AGMO: variants seen among roughly 807,000 people sequenced by gnomAD.
The protein encoded by AGMO is alkylglycerol monooxygenase, also known as glyceryl-ether monooxygenase.
Under a neutral mutation model 60.2 loss-of-function variants are expected in AGMO, and 75 were observed. That is an observed-to-expected ratio of 1.25 (90% CI 1.03 to 1.51). The LOEUF is 1.51. Among genes scored for constraint, AGMO ranks in the 40% most tolerant of loss-of-function variants. The pLI is 0.00. For missense variants in AGMO, 763 were observed against 525.5 expected (o/e 1.45, Z -4.42); for synonymous variants, 261 against 177.1 (o/e 1.47, Z -3.76).
intron 4 of AGMO, among the ~76,000 whole-genome samples, chr7:15,427,335 C>G (rs1379032524): frequency 2.6e-5 from 4 of 152,096 alleles, no homozygotes; most frequent in Non-Finnish European, 5.9e-5. Context: ...AATAATAACT[C>G]AAAGTGTCGT....
chr7:15,474,934 T>C (rs1287045103), intron 3 of AGMO, among the ~76,000 whole-genome samples: 1 of 151,726 alleles, frequency 6.6e-6, no homozygotes. Context: ...CCGACAAACA[T>C]GAAAAAAAGC....
intron 3 of AGMO, among the ~76,000 whole-genome samples, chr7:15,479,504 G>A (rs1054453823): frequency 6.6e-6 from 1 of 152,076 alleles, no homozygotes; most frequent in Non-Finnish European, 1.5e-5. Context: ...CATAATCACA[G>A]TTTTAGATTA....
downstream of AGMO, among the ~76,000 whole-genome samples, chr7:15,198,196 C>CGAGAGAGAGAGAGAGAGAGAGAGAGA: frequency 1.3e-5 from 1 of 77,400 alleles, no homozygotes; most frequent in South Asian, 5.1e-4. Context: ...AGGGCTTTCC[C>CGAGAGAGAGAGAGAGAGAGAGAGAGA]GAGAGAGAGA....
At chr7:15,538,912 G>T (rs1442073329) in intron 3 of AGMO, among the ~76,000 whole-genome samples, 1 of 152,076 alleles carries the variant, frequency 6.6e-6, no homozygotes, top group Non-Finnish European at 1.5e-5. Flanking sequence ...CATACAGAAT[G>T]AGAGGAATTT....
At chr7:15,211,698 T>C (rs1310630291) in intron 12 of AGMO, among the ~76,000 whole-genome samples, 19 of 152,014 alleles carry the variant, frequency 1.2e-4, no homozygotes. Flanking sequence ...CAAACTACTG[T>C]TTTGTTCTTT....
chr7:15,435,058 T>C (rs1459556965), intron 3 of AGMO, among the ~76,000 whole-genome samples: 1 of 152,126 alleles, frequency 6.6e-6, no homozygotes, highest in African/African-American at 2.4e-5. Flanking sequence ...TTCCTTTTTA[T>C]CATTAGTATT....
chr7:15,383,884 T>C (rs892009884), intron 10 of AGMO, among the ~76,000 whole-genome samples: 1 of 152,176 alleles, frequency 6.6e-6, no homozygotes, highest in African/African-American at 2.4e-5. Flanking sequence ...TTTAATCTGT[T>C]TATGTATTGA....
chr7:15,407,621 T>C (rs959508661), intron 5 of AGMO, among the ~76,000 whole-genome samples: 1 of 151,844 alleles, frequency 6.6e-6, no homozygotes, highest in African/African-American at 2.4e-5. Flanking sequence ...TTGAAACCCA[T>C]AAGCATCTTC....
intron 3 of AGMO, among the ~76,000 whole-genome samples, chr7:15,501,840 A>G (rs1311619014): frequency 6.6e-6 from 1 of 152,042 alleles, no homozygotes; most frequent in African/African-American, 2.4e-5. Context: ...TCCCAGGGAA[A>G]TAAATCAAAA....
intron 3 of AGMO, among the ~76,000 whole-genome samples, chr7:15,460,586 A>T (rs1782118741): frequency 6.6e-6 from 1 of 152,112 alleles, no homozygotes; most frequent in African/African-American, 2.4e-5. Flanking sequence ...TGTGTCAAAA[A>T]TTTTAATTTT....
In AGMO at chr7:15,272,135, T is replaced by C. The variant is rs563652206; in HGVS notation, c.1264-70776A>G. Among the ~76,000 whole-genome samples the C allele has an allele frequency of 2.6e-5, 4 of 151,272 alleles. No homozygotes were observed. In the East Asian group the frequency reaches 7.7e-4, roughly 29 times the overall value. ...TTTATCAGGGATATTGGCCCTTTTT[T>C]TCTTTTTTTTATTATACTTTAAGTT... On this transcript the variant is annotated intron_variant, in intron 12 of 12. Coordinates refer to ENST00000342526, the MANE Select transcript of AGMO (RefSeq NM_001004320.2).
At chr7:15,427,714 A>G (rs1433148523) in intron 4 of AGMO, among the ~76,000 whole-genome samples, 1 of 50,086 alleles carries the variant, frequency 2.0e-5, no homozygotes, top group Admixed American at 1.7e-4. Flanking sequence ...CAAATTGGAT[A>G]GAGTATTATT....
chr7:15,453,770 G>A (rs1278611009), intron 3 of AGMO, among the ~76,000 whole-genome samples: 2 of 152,038 alleles, frequency 1.3e-5, no homozygotes, highest in African/African-American at 4.8e-5. Flanking sequence ...CAGGTGAAGG[G>A]TCTGCCAACA....
intron 12 of AGMO, among the ~76,000 whole-genome samples, chr7:15,297,556 T>G (rs1246573351): frequency 2.0e-5 from 3 of 152,174 alleles, no homozygotes; most frequent in South Asian, 2.1e-4. Flanking sequence ...ACAGAAAAGT[T>G]AGTGTTGCAT....
intron 5 of AGMO, among the ~76,000 whole-genome samples, chr7:15,411,865 G>A (rs1383881648): frequency 6.6e-6 from 1 of 151,904 alleles, no homozygotes; most frequent in Non-Finnish European, 1.5e-5. Context: ...CTAAAAAAAA[G>A]TATCTTTACA....
At chr7:15,443,661 C>T (rs1459027371) in intron 3 of AGMO, among the ~76,000 whole-genome samples, 2 of 152,142 alleles carry the variant, frequency 1.3e-5, no homozygotes, top group African/African-American at 4.8e-5. Context: ...CTAGTGCAGG[C>T]ATCAGCAAAC....
In AGMO at chr7:15,307,029, A is replaced by G. The variant is rs182894780; in HGVS notation, c.1263+58485T>C. ...CTACACTTAAAATTATTCAAAAACG[A>G]AATAATTATAAAGTGATTCCAAAAA... On this transcript the variant is annotated intron_variant, in intron 12 of 12. Transcript: ENST00000342526. Among the ~76,000 whole-genome samples, 7 of 152,216 alleles carry G rather than the reference A, an allele frequency of 4.6e-5. No individual in the cohort carries two copies. In the East Asian group the frequency reaches 7.7e-4, roughly 17 times the overall value.
At chr7:15,330,666 T>A (rs573607903) in intron 12 of AGMO, among the ~76,000 whole-genome samples, 3 of 152,168 alleles carry the variant, frequency 2.0e-5, no homozygotes, top group Non-Finnish European at 4.4e-5. Flanking sequence ...AAATACATTC[T>A]TACATACTTT....
chr7:15,486,111 C>A (rs1782914438), intron 3 of AGMO, among the ~76,000 whole-genome samples: 1 of 152,146 alleles, frequency 6.6e-6, no homozygotes, highest in South Asian at 2.1e-4. Context: ...ATTGCTATAA[C>A]ATTTGGAGAT....
Sources: allele counts gnomAD v4.1 joint callset (sites outside exome capture counted in the v4.1 genomes callset), GRCh38; gene constraint gnomAD v4.1.1; transcripts MANE v1.5; gene names NCBI Gene and HGNC (gene_info 2026-07-23, HGNC 2026-07-21).